ATP2C1: variants seen among roughly 807,000 people sequenced by gnomAD.
ATP2C1 encodes the protein ATPase secretory pathway Ca2+ transporting 1, also known as calcium-transporting ATPase type 2C member 1.
Under a neutral mutation model 120.5 loss-of-function variants are expected in ATP2C1, and 31 were observed. That is an observed-to-expected ratio of 0.26 (90% confidence interval 0.19 to 0.35). The LOEUF is 0.35. Among genes scored for constraint, ATP2C1 ranks in the 10% least tolerant of loss-of-function variants. ATP2C1 has a pLI of 1.00. For missense variants in ATP2C1, 731 were observed against 1,107.5 expected (o/e 0.66, Z 4.83); for synonymous variants, 351 against 358.7 (o/e 0.98, Z 0.24).
At chr3:130,867,545 G>GCCTC (rs1284442341) in intron 1 of ATP2C1, among the ~76,000 whole-genome samples, 1 of 149,076 alleles carries the variant, frequency 6.7e-6, no homozygotes, top group Non-Finnish European at 1.5e-5. Context: ...GCCAGCCTCG[G>GCCTC]CCTCCCGAGG....
rs371691661 is a variant in ATP2C1 at position 130,953,799 on chromosome 3, G to C, written c.532-22G>C. ...TAAATGTAGCACAAAATTTGAATCT[G>C]GGATTCTTTATGTTCCCTAAGGCTG... On this transcript the variant is annotated intron_variant, in intron 8 of 27. Transcript: ENST00000510168. The C allele has an allele frequency of 7.4e-6, 12 of 1,613,716 alleles. No homozygotes were observed. The African/African-American group carries it at 1.5e-4, about 20-fold the overall frequency.
chr3:130,926,587 A>G (rs983463883), intron 2 of ATP2C1, among the ~76,000 whole-genome samples: 4 of 152,230 alleles, frequency 2.6e-5, no homozygotes, highest in African/African-American at 7.2e-5. Flanking sequence ...AACTACCAGT[A>G]TACTGCTTTG....
intron 2 of ATP2C1, chr3:130,930,061 CGTA>C (rs1263371532): frequency 2.8e-6 from 1 of 355,354 alleles, no homozygotes; most frequent in Non-Finnish European, 5.4e-6. Context: ...GCATGTTAAA[CGTA>C]ATGAGTTTAG....
In ATP2C1 at chr3:130,989,578, A is replaced by C. The variant is rs1014328502; in HGVS notation, c.1840-3373A>C. ...GAAACTCCATCTCAAAAAAAAAAAA[A>C]AAAAACACAAACCCTAAAGAACATT... On this transcript the variant is annotated intron_variant, in intron 20 of 27. Coordinates refer to ENST00000510168, the MANE Select transcript of ATP2C1 (RefSeq NM_001378687.1). 2.6e-4 allele frequency among the ~76,000 whole-genome samples: 39 copies of C among 152,058 alleles called. 2 individuals carry two copies. The highest frequency in any genetic ancestry group is 1.5e-3 in the East Asian group (8 of 5,180).
chr3:130,870,735 G>C (rs2068402589), intron 1 of ATP2C1, among the ~76,000 whole-genome samples: 1 of 152,218 alleles, frequency 6.6e-6, no homozygotes, highest in South Asian at 2.1e-4. Flanking sequence ...TAGATATGCT[G>C]TGAACATTGT....
chr3:130,901,573 T>C (rs1010670411), intron 2 of ATP2C1, among the ~76,000 whole-genome samples: 4 of 151,976 alleles, frequency 2.6e-5, no homozygotes, highest in Non-Finnish European at 5.9e-5. Flanking sequence ...GACTGCAAGA[T>C]GTCATTTGGG....
At chr3:130,951,260 A>C (rs2060357969) in intron 8 of ATP2C1, among the ~76,000 whole-genome samples, 1 of 152,182 alleles carries the variant, frequency 6.6e-6, no homozygotes, top group Non-Finnish European at 1.5e-5. Flanking sequence ...GATCCTCTAA[A>C]TAATTAAGAG....
upstream of ATP2C1, among the ~76,000 whole-genome samples, chr3:130,889,293 A>G (rs894323360): frequency 6.6e-6 from 1 of 152,200 alleles, no homozygotes; most frequent in African/African-American, 2.4e-5. Context: ...CCAGTAATTG[A>G]TGTTTTTTTC....
At chr3:130,960,883 C>T (rs907229146) in intron 12 of ATP2C1, among the ~76,000 whole-genome samples, 11 of 152,024 alleles carry the variant, frequency 7.2e-5, no homozygotes, top group African/African-American at 2.7e-4. Flanking sequence ...TGATAATAGA[C>T]ATAAGAAAGG....
chr3:130,946,221 C>T (rs2060148334), intron 8 of ATP2C1, among the ~76,000 whole-genome samples: 1 of 152,166 alleles, frequency 6.6e-6, no homozygotes, highest in African/African-American at 2.4e-5. Flanking sequence ...AAGGTTAGTT[C>T]TATTAGGAGT....
upstream of ATP2C1, among the ~76,000 whole-genome samples, chr3:130,890,872 G>C (rs540483529): frequency 6.6e-6 from 1 of 152,274 alleles, no homozygotes. Flanking sequence ...TGTTGGAGTA[G>C]GTTAGCTTAT....
At position 130,975,462 on chromosome 3, in the gene ATP2C1, C is replaced by G. The variant is rs781225493; in HGVS notation, c.1544C>G (p.Ala515Gly). 1 of 1,613,744 alleles carries G rather than the reference C, an allele frequency of 6.2e-7. No individual in the cohort carries two copies. The highest frequency in any genetic ancestry group is 8.5e-7 in the Non-Finnish European group (1 of 1,179,822). The change falls in exon 18 of 28, where the codon GCA (alanine) becomes GGA (glycine). Residue 515 changes from alanine to glycine, a missense_variant. Around this residue, in one of 3 missense-constraint regions of ATP2C1, gnomAD observed 571 missense variants for 845.9 expected, o/e 0.67. Coordinates refer to ENST00000510168, the MANE Select transcript of ATP2C1 (RefSeq NM_001378687.1). ...AGAGATGTGTACCAACAAGAGAAGGCACGCATGGGCTCAGCGGGACTCAGA... is the reference window on the plus strand; with the variant it reads ...AGAGATGTGTACCAACAAGAGAAGGGACGCATGGGCTCAGCGGGACTCAGA... The part of the protein sequence containing the change: ...QQRDVYQQEK[A>G]RMGSAGLRVL...
At chr3:130,899,997 C>T (rs562772733) in intron 2 of ATP2C1, among the ~76,000 whole-genome samples, 21 of 152,204 alleles carry the variant, frequency 1.4e-4, no homozygotes, top group South Asian at 8.3e-4. Flanking sequence ...ACTCGTGTCC[C>T]TCCCTCAGAA....
chr3:130,993,014 G>T lies in ATP2C1; in HGVS notation c.1890+13G>T. On this transcript the variant is annotated intron_variant, in intron 21 of 27. Transcript: ENST00000510168. ...GAAAATTATTAAGGTGAGTGTGTAAGAATCAGATTGTTTTATTTCTGTATA... is the reference window on the plus strand; with the variant it reads ...GAAAATTATTAAGGTGAGTGTGTAATAATCAGATTGTTTTATTTCTGTATA... 2 of 1,608,270 alleles carry T rather than the reference G, an allele frequency of 1.2e-6. No homozygotes were observed. Among genetic ancestry groups the T allele is most frequent in the South Asian group, 2.2e-5 (2 of 90,950 alleles).
intron 1 of ATP2C1, among the ~76,000 whole-genome samples, chr3:130,875,134 T>A (rs2068560045): frequency 6.6e-6 from 1 of 152,220 alleles, no homozygotes; most frequent in Non-Finnish European, 1.5e-5. Flanking sequence ...TTGGGAACAT[T>A]CCAAATCCTC....
At chr3:130,908,607 C>CT (rs1030724709) in intron 2 of ATP2C1, among the ~76,000 whole-genome samples, 3 of 152,178 alleles carry the variant, frequency 2.0e-5, no homozygotes, top group African/African-American at 4.8e-5. Context: ...CATTACTTGA[C>CT]TTTTTTTAAA....
chr3:130,889,710 A>G (rs534680492), upstream of ATP2C1, among the ~76,000 whole-genome samples: 1 of 131,426 alleles, frequency 7.6e-6, no homozygotes, highest in East Asian at 2.2e-4. Flanking sequence ...CAGTGGCATG[A>G]TTACAGCTCA....
chr3:130,914,076 T>C (rs541172074), intron 2 of ATP2C1, among the ~76,000 whole-genome samples: 2 of 152,324 alleles, frequency 1.3e-5, no homozygotes, highest in African/African-American at 4.8e-5. Context: ...TCCTCCTTAG[T>C]ACTCTTCTTC....
chr3:130,958,435 T>C (rs1268010370), intron 11 of ATP2C1, among the ~76,000 whole-genome samples: 3 of 152,266 alleles, frequency 2.0e-5, no homozygotes, highest in African/African-American at 7.2e-5. Context: ...GTATAATCCT[T>C]TGGACATAAT....
Sources: allele counts gnomAD v4.1 joint callset (sites outside exome capture counted in the v4.1 genomes callset), GRCh38; gene constraint gnomAD v4.1.1; regional missense constraint gnomAD v4.1.1; transcripts MANE v1.5; gene names NCBI Gene and HGNC (gene_info 2026-07-23, HGNC 2026-07-21).